GAP43: variants seen among roughly 807,000 people sequenced by gnomAD.
GAP43 encodes the protein neuromodulin.
Under a neutral mutation model 18.6 loss-of-function variants are expected in GAP43, and 6 were observed. The observed-to-expected ratio is 0.32, with a 90% confidence interval of 0.18 to 0.64. The LOEUF (loss-of-function observed/expected upper bound fraction) is 0.64. GAP43 is among the 30% of genes least tolerant of loss of function. GAP43 has a pLI of 0.78. For missense variants in GAP43, 292 were observed against 295.5 expected (o/e 0.99, Z 0.09); for synonymous variants, 115 against 111.4 (o/e 1.03, Z -0.20).
intron 2 of GAP43, among the ~76,000 whole-genome samples, chr3:115,717,625 T>C (rs1709526523): frequency 6.6e-6 from 1 of 151,778 alleles, no homozygotes; most frequent in Non-Finnish European, 1.5e-5. Flanking sequence ...TTATTGTCTT[T>C]TAAAGGTATA....
chr3:115,675,634 C>T (rs925679147), intron 1 of GAP43, among the ~76,000 whole-genome samples: 3 of 151,852 alleles, frequency 2.0e-5, no homozygotes, highest in African/African-American at 7.3e-5. Flanking sequence ...TGGCACATGC[C>T]TGTAATCCCA....
At chr3:115,697,144 T>G (rs1056254058) in intron 2 of GAP43, among the ~76,000 whole-genome samples, 5 of 152,242 alleles carry the variant, frequency 3.3e-5, no homozygotes, top group Non-Finnish European at 7.4e-5. Flanking sequence ...CAGCCAATTT[T>G]GTTATTTTCA....
At chr3:115,702,181 A>G (rs1709305095) in intron 2 of GAP43, among the ~76,000 whole-genome samples, 1 of 152,132 alleles carries the variant, frequency 6.6e-6, no homozygotes, top group Non-Finnish European at 1.5e-5. Context: ...AGAAGTTGGA[A>G]GTAGAACTTG....
chr3:115,705,145 A>G (rs1709344255), intron 2 of GAP43, among the ~76,000 whole-genome samples: 1 of 152,236 alleles, frequency 6.6e-6, no homozygotes, highest in Non-Finnish European at 1.5e-5. Context: ...ACGGCAAGGC[A>G]TGAGCTGAAT....
intron 1 of GAP43, among the ~76,000 whole-genome samples, chr3:115,651,002 T>G (rs1056862680): frequency 1.3e-5 from 2 of 152,074 alleles, no homozygotes; most frequent in Non-Finnish European, 2.9e-5. Flanking sequence ...CATTGTGGCA[T>G]GCCTCTGTAG....
chr3:115,693,091 C>T lies in GAP43; in HGVS notation c.628+16481C>T, dbSNP rs1434042119. ...GGGAACAGAATTACACTGGTGCCCTCTGCTGGGATGAAATGGGAAGTTGAT... is the reference window on the plus strand; with the variant it reads ...GGGAACAGAATTACACTGGTGCCCTTTGCTGGGATGAAATGGGAAGTTGAT... On this transcript the variant is annotated intron_variant, in intron 2 of 2. Coordinates refer to ENST00000305124, the MANE Select transcript of GAP43 (RefSeq NM_002045.4). Among the ~76,000 whole-genome samples, 3 of 152,138 alleles carry T rather than the reference C, an allele frequency of 2.0e-5. No homozygotes were observed. In the East Asian group the frequency reaches 5.8e-4, roughly 29 times the overall value.
At chr3:115,683,490 G>T (rs1708990470) in intron 2 of GAP43, among the ~76,000 whole-genome samples, 1 of 152,122 alleles carries the variant, frequency 6.6e-6, no homozygotes, top group South Asian at 2.1e-4. Context: ...GATGTTTTCT[G>T]ATATGACTGG....
chr3:115,677,173 G>A (rs1213348164), intron 2 of GAP43, among the ~76,000 whole-genome samples: 1 of 152,150 alleles, frequency 6.6e-6, no homozygotes, highest in Non-Finnish European at 1.5e-5. Flanking sequence ...AGTAGTGTGT[G>A]TATATGTGGG....
At chr3:115,708,009 AC>A (rs1709386576) in intron 2 of GAP43, among the ~76,000 whole-genome samples, 1 of 33,150 alleles carries the variant, frequency 3.0e-5, no homozygotes, top group Admixed American at 3.1e-4. Context: ...ACACACACAC[AC>A]ACACATATAT....
At chr3:115,627,174 A>G (rs1472419321) in intron 1 of GAP43, among the ~76,000 whole-genome samples, 1 of 145,466 alleles carries the variant, frequency 6.9e-6, no homozygotes, top group Non-Finnish European at 1.5e-5. Context: ...ACTTGCAGAG[A>G]ACCTTAGAAA....
In GAP43 at chr3:115,637,857, C is replaced by A. The variant is rs533945383; in HGVS notation, c.30+14138C>A. On this transcript the variant is annotated intron_variant, in intron 1 of 2. Transcript: ENST00000305124. Reference sequence around the variant, plus strand: ...CAGTCATGTAATTCAGAAACAGAACCCTTATATCTTCTTTTTTTCATTGGA... The same window carrying A: ...CAGTCATGTAATTCAGAAACAGAACACTTATATCTTCTTTTTTTCATTGGA... Among the ~76,000 whole-genome samples the A allele has an allele frequency of 3.3e-5, 5 of 152,136 alleles. No individual in the cohort carries two copies. In the South Asian group the frequency reaches 1.0e-3, roughly 32 times the overall value.
chr3:115,710,521 G>A (rs1038983242), intron 2 of GAP43, among the ~76,000 whole-genome samples: 1 of 152,086 alleles, frequency 6.6e-6, no homozygotes, highest in Non-Finnish European at 1.5e-5. Flanking sequence ...TTGAATATCA[G>A]TGACATGGTT....
At chr3:115,708,506 C>G (rs1266317544) in intron 2 of GAP43, among the ~76,000 whole-genome samples, 1 of 152,100 alleles carries the variant, frequency 6.6e-6, no homozygotes, top group Non-Finnish European at 1.5e-5. Flanking sequence ...TTGGTGCAAA[C>G]TTATAAGAGA....
intron 1 of GAP43, among the ~76,000 whole-genome samples, chr3:115,624,469 G>C (rs1053623786): frequency 1.3e-5 from 2 of 151,950 alleles, no homozygotes; most frequent in Admixed American, 6.6e-5. Flanking sequence ...AAAGACAGCC[G>C]GGTATTACCT....
intron 2 of GAP43, among the ~76,000 whole-genome samples, chr3:115,699,294 G>T (rs531780936): frequency 6.6e-6 from 1 of 152,154 alleles, no homozygotes; most frequent in African/African-American, 2.4e-5. Context: ...CTTACAAAGA[G>T]AATTTTGTTT....
At chr3:115,654,436 A>G (rs527681153) in intron 1 of GAP43, among the ~76,000 whole-genome samples, 1 of 152,320 alleles carries the variant, frequency 6.6e-6, no homozygotes, top group East Asian at 1.9e-4. Context: ...AGATGAGCAG[A>G]CCCAATGCTA....
Position 115,624,574 on chromosome 3 carries a change from A to G in GAP43, c.30+855A>G, listed in dbSNP as rs1028433759. On this transcript the variant is annotated intron_variant, in intron 1 of 2. Coordinates refer to ENST00000305124, the MANE Select transcript of GAP43 (RefSeq NM_002045.4). ...CAGGCTAACATCCTGGATAATAAGT[A>G]TGGTGACTCATTTTCATCAGGAAGA... 2.0e-5 allele frequency among the ~76,000 whole-genome samples: 3 copies of G among 152,136 alleles called. No individual in the cohort carries two copies. In the South Asian group the frequency reaches 6.2e-4, roughly 31 times the overall value.
At chr3:115,709,844 CATATATAT>C (rs149885836) in intron 2 of GAP43, among the ~76,000 whole-genome samples, 1 of 147,960 alleles carries the variant, frequency 6.8e-6, no homozygotes, top group East Asian at 2.0e-4. Context: ...CATGAACATA[CATATATAT>C]ATATATATAT....
intron 2 of GAP43, among the ~76,000 whole-genome samples, chr3:115,682,904 A>G (rs1708974262): frequency 1.3e-5 from 2 of 151,974 alleles, no homozygotes; most frequent in Non-Finnish European, 2.9e-5. Flanking sequence ...GAGTCACATG[A>G]CTCATATTGT....
Sources: gnomAD v4.1 joint callset for allele counts (sites outside exome capture counted in the v4.1 genomes callset) on GRCh38, gnomAD v4.1.1 for gene constraint, MANE v1.5 for transcripts, NCBI Gene and HGNC (gene_info 2026-07-23, HGNC 2026-07-21) for gene names.